The following ESR2 variants were observed in gnomAD, a reference collection of about 807,000 sequenced individuals.
The protein encoded by ESR2 is estrogen receptor 2.
A neutral mutation model predicts 49.6 loss-of-function variants in ESR2; 36 were observed. The observed-to-expected ratio is 0.73, with a 90% CI of 0.56 to 0.96. The LOEUF (loss-of-function observed/expected upper bound fraction) is 0.96. Ranked by LOEUF, ESR2 falls within the 40% of genes least tolerant of loss-of-function variation. The probability of loss-of-function intolerance (pLI) is 0.00; values close to 1 mark genes in which losing one functional copy is unlikely to be tolerated. For missense variants in ESR2, 714 were observed against 693.0 expected (o/e 1.03, Z -0.34); for synonymous variants, 320 against 266.1 (o/e 1.20, Z -1.97).
intron 1 of ESR2, among the ~76,000 whole-genome samples, chr14:64,328,094 C>T (rs554688768): frequency 6.7e-6 from 1 of 149,228 alleles, no homozygotes; most frequent in South Asian, 2.1e-4. Context: ...TAGTGGTGTG[C>T]ACCTGTAGTC....
intron 1 of ESR2, among the ~76,000 whole-genome samples, chr14:64,319,047 T>C (rs1361863759): frequency 6.8e-6 from 1 of 147,222 alleles, no homozygotes; most frequent in African/African-American, 2.5e-5. Flanking sequence ...AGACCCAGTC[T>C]CAAAAAAAAA....
intron 1 of ESR2, among the ~76,000 whole-genome samples, chr14:64,321,153 A>G (rs963732376): frequency 6.6e-6 from 1 of 152,168 alleles, no homozygotes; most frequent in Non-Finnish European, 1.5e-5. Flanking sequence ...ATGGACCTCA[A>G]AAACAATGCT....
chr14:64,229,998 G>C lies in ESR2; in HGVS notation c.*3139C>G, dbSNP rs1056289649. The stretch of plus-strand genomic sequence containing the variant: ...GTTCAGGACCAGCCTGGGGAGCATA[G>C]TAAAACCCCATCTCTACAAATATTA... On this transcript the variant is annotated 3_prime_UTR_variant, in exon 9 of 9. Coordinates refer to ENST00000341099, the MANE Select transcript of ESR2 (RefSeq NM_001437.3). Among the ~76,000 whole-genome samples, 1 of 152,012 alleles carries C rather than the reference G, an allele frequency of 6.6e-6. No individual in the cohort carries two copies. Among genetic ancestry groups the C allele is most frequent in the Non-Finnish European group, 1.5e-5 (1 of 68,012 alleles).
intron 2 of ESR2, among the ~76,000 whole-genome samples, chr14:64,281,412 C>T (rs1362234188): frequency 6.6e-6 from 1 of 151,274 alleles, no homozygotes; most frequent in Non-Finnish European, 1.5e-5. Flanking sequence ...AATTCATGCT[C>T]AGAAACAAAA....
At chr14:64,270,185 A>G (rs2076411831) in intron 3 of ESR2, among the ~76,000 whole-genome samples, 1 of 152,250 alleles carries the variant, frequency 6.6e-6, no homozygotes. Context: ...TGAAATGAGC[A>G]AGTCATAAAA....
chr14:64,288,277 T>C (rs185202818), intron 1 of ESR2, among the ~76,000 whole-genome samples: 24 of 152,264 alleles, frequency 1.6e-4, no homozygotes, highest in Admixed American at 1.3e-3. Context: ...ATTCCCAATT[T>C]TGACAATGAT....
At chr14:64,302,926 G>C (rs942419618) in intron 1 of ESR2, among the ~76,000 whole-genome samples, 18 of 152,076 alleles carry the variant, frequency 1.2e-4, no homozygotes, top group Non-Finnish European at 1.8e-4. Context: ...AGCCTCCCGA[G>C]TAGCTGGGAC....
At chr14:64,295,802 T>C (rs2076948210), upstream of ESR2, among the ~76,000 whole-genome samples, 1 of 152,082 alleles carries the variant, frequency 6.6e-6, no homozygotes. Flanking sequence ...TCTCAGCACT[T>C]TGGGAGGCCG....
rs181842388 is a variant in ESR2 at position 64,288,942 on chromosome 14, C to T, written c.-91+5091G>A. 1.4e-3 allele frequency among the ~76,000 whole-genome samples: 206 copies of T among 145,806 alleles called. 2 individuals are homozygous for T. Among genetic ancestry groups the T allele is most frequent in the South Asian group, 4.4e-3 (20 of 4,498 alleles). ...TGGAGGTTGCGGTGAGCCGAGATCA[C>T]GCCACTGCACTCCAACCTAGGTGAC... On this transcript the variant is annotated intron_variant, in intron 1 of 8. Coordinates refer to ENST00000341099, the MANE Select transcript of ESR2 (RefSeq NM_001437.3).
chr14:64,293,701 C>T (rs955040021), intron 1 of ESR2, among the ~76,000 whole-genome samples: 1 of 152,192 alleles, frequency 6.6e-6, no homozygotes, highest in African/African-American at 2.4e-5. Flanking sequence ...AAAGTTCAAT[C>T]AGAAAGTGTA....
chr14:64,235,836 T>TCCTGC (rs2075585441), intron 7 of ESR2, among the ~76,000 whole-genome samples: 1 of 152,128 alleles, frequency 6.6e-6, no homozygotes. Flanking sequence ...GCCTCCCCCA[T>TCCTGC]CCTGCCCTGC....
Position 64,235,005 on chromosome 14 carries a change from G to A in ESR2, c.1371C>T (p.Asn457=), listed in dbSNP as rs1329360455. Residue 457 remains asparagine (N), a synonymous_variant, in exon 8 of 9, where the codon AAC becomes AAT. Coordinates refer to ENST00000341099, the MANE Select transcript of ESR2 (RefSeq NM_001437.3). ...TGACGTGGGACAGGAGCATCAGGAG[G>A]TTAGCCAGGCGCATGGATTGCTGCT... The part of the protein sequence containing the change: ...SSQQQSMRLA[N]LLMLLSHVRH... 1.2e-6 allele frequency: 2 copies of A among 1,614,210 alleles called. No individual in the cohort carries two copies. Among genetic ancestry groups the A allele is most frequent in the Non-Finnish European group, 1.7e-6 (2 of 1,180,026 alleles).
intron 1 of ESR2, among the ~76,000 whole-genome samples, chr14:64,304,479 G>A (rs1039719870): frequency 2.6e-5 from 4 of 152,218 alleles, no homozygotes; most frequent in African/African-American, 4.8e-5. Context: ...TGCATGCCAT[G>A]TGACTCAGGC....
intron 7 of ESR2, 138 bp from the exon 8 acceptor site, chr14:64,235,288 T>C (rs1368884821): frequency 4.9e-6 from 4 of 814,278 alleles, no homozygotes; most frequent in Middle Eastern, 3.5e-4. Context: ...CTTATAAGCA[T>C]GGTCTTACCT....
At chr14:64,280,249 T>C in intron 2 of ESR2, 96 bp from the exon 3 acceptor site, 1 of 891,990 alleles carries the variant, frequency 1.1e-6, no homozygotes, top group South Asian at 1.5e-5. Flanking sequence ...CCTAATTTAA[T>C]CTCTTTTTCC....
At chr14:64,332,811 A>G (rs969785558) in intron 1 of ESR2, among the ~76,000 whole-genome samples, 2 of 151,746 alleles carry the variant, frequency 1.3e-5, no homozygotes, top group Middle Eastern at 3.4e-3. Context: ...AAAAAAAAAA[A>G]AAGGGTACCG....
upstream of ESR2, among the ~76,000 whole-genome samples, chr14:64,296,080 G>T (rs2076954770): frequency 6.6e-6 from 1 of 151,070 alleles, no homozygotes; most frequent in African/African-American, 2.4e-5. Flanking sequence ...GCTTCATTTG[G>T]TGGTATATAC....
chr14:64,252,494 T>TA (rs1467072536), intron 6 of ESR2, among the ~76,000 whole-genome samples: 1 of 152,176 alleles, frequency 6.6e-6, no homozygotes, highest in Non-Finnish European at 1.5e-5. Context: ...CACATTGCTA[T>TA]AAAGCACTAT....
chr14:64,293,033 A>G (rs1364024123), intron 1 of ESR2, among the ~76,000 whole-genome samples: 1 of 152,226 alleles, frequency 6.6e-6, no homozygotes, highest in Non-Finnish European at 1.5e-5. Context: ...GTAAAATGCA[A>G]TCCTACGGTG....
Sources: allele counts gnomAD v4.1 joint callset (sites outside exome capture counted in the v4.1 genomes callset), GRCh38; gene constraint gnomAD v4.1.1; transcripts MANE v1.5; gene names NCBI Gene and HGNC (gene_info 2026-07-23, HGNC 2026-07-21).